Variants in PAPSS1 observed in about 807,000 individuals in gnomAD.
The protein encoded by PAPSS1 is bifunctional 3'-phosphoadenosine 5'-phosphosulfate synthase 1.
PAPSS1 carries 50 observed loss-of-function variants against 72.0 expected under a neutral mutation model. The ratio of observed to expected loss-of-function variants is 0.69; its 90% CI spans 0.55 to 0.88. The LOEUF (loss-of-function observed/expected upper bound fraction) is 0.88. Ranked by LOEUF, PAPSS1 falls within the 40% of genes least tolerant of loss-of-function variation. PAPSS1 has a pLI of 0.00. For missense variants in PAPSS1, 657 were observed against 782.2 expected, an observed-to-expected ratio of 0.84 and a Z score of 1.91; for synonymous variants, 261 against 263.6, an observed-to-expected ratio of 0.99 and a Z score of 0.09.
At chr4:107,680,564 G>C (rs1727778707) in intron 5 of PAPSS1, among the ~76,000 whole-genome samples, 1 of 152,140 alleles carries the variant, frequency 6.6e-6, no homozygotes, top group African/African-American at 2.4e-5. Flanking sequence ...CACTTCCTAG[G>C]AGTTAAACAC....
At chr4:107,708,289 G>C (rs1366191960) in intron 1 of PAPSS1, among the ~76,000 whole-genome samples, 1 of 152,126 alleles carries the variant, frequency 6.6e-6, no homozygotes, top group African/African-American at 2.4e-5. Flanking sequence ...TTCAGAAGTA[G>C]ACATTTGTAT....
At chr4:107,710,778 C>G (rs992970379) in intron 1 of PAPSS1, among the ~76,000 whole-genome samples, 1 of 152,184 alleles carries the variant, frequency 6.6e-6, no homozygotes, top group Admixed American at 6.5e-5. Context: ...CTGGCTCGCT[C>G]CTGTCCATCT....
chr4:107,714,707 C>T (rs758019008), intron 1 of PAPSS1, among the ~76,000 whole-genome samples: 8 of 152,100 alleles, frequency 5.3e-5, no homozygotes, highest in East Asian at 3.9e-4. Context: ...CCCCTCCATA[C>T]GCAAGTAGAA....
intron 11 of PAPSS1, among the ~76,000 whole-genome samples, chr4:107,622,968 C>T (rs1464400750): frequency 6.6e-6 from 1 of 152,226 alleles, no homozygotes; most frequent in African/African-American, 2.4e-5. Flanking sequence ...AAACAGCCTT[C>T]ATTTAATATA....
chr4:107,702,112 G>A (rs1019797614), intron 1 of PAPSS1, among the ~76,000 whole-genome samples: 11 of 152,070 alleles, frequency 7.2e-5, no homozygotes, highest in African/African-American at 2.4e-4. Flanking sequence ...CCAGGAAAAT[G>A]CAAATCAAAA....
At chr4:107,652,572 T>A (rs567766819) in intron 9 of PAPSS1, among the ~76,000 whole-genome samples, 3 of 152,332 alleles carry the variant, frequency 2.0e-5, no homozygotes, top group Non-Finnish European at 2.9e-5. Flanking sequence ...TTCTATACCA[T>A]AAGCTCCTAG....
At chr4:107,634,379 A>G (rs1380129758) in intron 10 of PAPSS1, among the ~76,000 whole-genome samples, 2 of 152,196 alleles carry the variant, frequency 1.3e-5, no homozygotes, top group African/African-American at 2.4e-5. Flanking sequence ...CAATTAATTC[A>G]GGGGCTAATG....
chr4:107,676,877 G>A (rs10461183), intron 5 of PAPSS1, among the ~76,000 whole-genome samples: 1 of 151,894 alleles, frequency 6.6e-6, no homozygotes, highest in Non-Finnish European at 1.5e-5. Flanking sequence ...CAGAAATAAT[G>A]CCACATATCT....
At chr4:107,695,231 G>A (rs1444765437) in intron 2 of PAPSS1, among the ~76,000 whole-genome samples, 1 of 152,044 alleles carries the variant, frequency 6.6e-6, no homozygotes, top group Non-Finnish European at 1.5e-5. Context: ...TGTATTCCCA[G>A]GTATTTTACT....
At chr4:107,657,172 T>C (rs1337726221) in intron 6 of PAPSS1, among the ~76,000 whole-genome samples, 165 bp from the exon 7 acceptor site, 3 of 152,164 alleles carry the variant, frequency 2.0e-5, no homozygotes, top group Non-Finnish European at 4.4e-5. Context: ...AGGAAAATAT[T>C]TCCTTCTCCT....
chr4:107,620,122 T>C (rs961423344), intron 11 of PAPSS1, among the ~76,000 whole-genome samples: 3 of 152,236 alleles, frequency 2.0e-5, no homozygotes, highest in Non-Finnish European at 4.4e-5. Flanking sequence ...AGTATATCTT[T>C]TGAAGGTTCA....
Position 107,614,188 on chromosome 4 carries a change from ACTATGTGGTCCC to A in PAPSS1, c.*49_*60del. The A allele has an allele frequency of 6.7e-7, 1 of 1,503,312 alleles. No homozygotes were observed. The highest frequency in any genetic ancestry group is 2.3e-5 in the East Asian group (1 of 43,610). The allele number at this position is 1,503,312 out of a possible 1,614,324, so 93.1% of individuals were successfully genotyped here. ...ACACCACAAAGAAATGCCAACAGAG[ACTATGTGGTCCC>A]CTCTTGTTACTAGTAATGTGTCAAA... On this transcript the variant is annotated 3_prime_UTR_variant, in exon 12 of 12. Coordinates refer to ENST00000265174, the MANE Select transcript of PAPSS1 (RefSeq NM_005443.5).
chr4:107,637,121 A>G (rs1429618677), intron 10 of PAPSS1, among the ~76,000 whole-genome samples: 1 of 152,218 alleles, frequency 6.6e-6, no homozygotes, highest in Non-Finnish European at 1.5e-5. Flanking sequence ...TCGCTGATGG[A>G]TAAGAACCTC....
At chr4:107,673,105 T>C (rs991075107) in intron 5 of PAPSS1, among the ~76,000 whole-genome samples, 6 of 151,810 alleles carry the variant, frequency 4.0e-5, no homozygotes, top group African/African-American at 1.5e-4. Context: ...ACCACAAAGA[T>C]GGGGAAAAAA....
intron 1 of PAPSS1, chr4:107,718,252 G>A (rs1466126016): frequency 6.6e-6 from 1 of 152,070 alleles, no homozygotes; most frequent in Non-Finnish European, 1.5e-5. Context: ...TAAAATTCTA[G>A]CCCCATCAAA....
At chr4:107,697,920 G>C (rs1723110376) in intron 2 of PAPSS1, among the ~76,000 whole-genome samples, 2 of 152,148 alleles carry the variant, frequency 1.3e-5, no homozygotes, top group African/African-American at 4.8e-5. Flanking sequence ...AAAAGAGATT[G>C]GAGTGATCCG....
At chr4:107,681,941 T>A (rs1214011351) in intron 5 of PAPSS1, 74 bp downstream of exon 5, 1 of 754,378 alleles carries the variant, frequency 1.3e-6, no homozygotes, top group Non-Finnish European at 2.3e-6. Context: ...ACACCACCAT[T>A]TTTTTTTGGA....
At chr4:107,637,511 C>G (rs1028232232) in intron 10 of PAPSS1, among the ~76,000 whole-genome samples, 1 of 152,088 alleles carries the variant, frequency 6.6e-6, no homozygotes, top group Non-Finnish European at 1.5e-5. Flanking sequence ...TTTCACTGTT[C>G]CAGAAATCTG....
chr4:107,685,695 T>C (rs567305717), intron 4 of PAPSS1, among the ~76,000 whole-genome samples: 1 of 152,208 alleles, frequency 6.6e-6, no homozygotes, highest in Non-Finnish European at 1.5e-5. Flanking sequence ...GAGGTCAGCC[T>C]TGCCCATGGA....
Sources: gnomAD v4.1 joint callset for allele counts (sites outside exome capture counted in the v4.1 genomes callset) on GRCh38, gnomAD v4.1.1 for gene constraint, MANE v1.5 for transcripts, NCBI Gene and HGNC (gene_info 2026-07-23, HGNC 2026-07-21) for gene names.